Variants in ARHGEF7 observed in about 807,000 individuals in gnomAD.
The protein encoded by ARHGEF7 is Rho guanine nucleotide exchange factor 7, also known as PAK-interacting exchange factor beta.
ARHGEF7 carries 33 observed loss-of-function variants against 109.8 expected under a neutral mutation model. The ratio of observed to expected loss-of-function variants is 0.30; its 90% CI spans 0.23 to 0.40. The LOEUF is 0.40. Among genes scored for constraint, ARHGEF7 ranks in the 10% least tolerant of loss-of-function variants. ARHGEF7 has a pLI of 1.00. For missense variants in ARHGEF7, 938 were observed against 1,098.5 expected, an observed-to-expected ratio of 0.85 and a Z score of 2.07; for synonymous variants, 458 against 424.6, an observed-to-expected ratio of 1.08 and a Z score of -0.97.
At chr13:111,195,494 A>AC (rs1249674016) in intron 2 of ARHGEF7, among the ~76,000 whole-genome samples, 1 of 152,174 alleles carries the variant, frequency 6.6e-6, no homozygotes, top group South Asian at 2.1e-4. Context: ...CCAGGACTGG[A>AC]GATTAACACT....
chr13:111,275,775 T>C, intron 12 of ARHGEF7, 97 bp downstream of exon 12: 1 of 1,440,038 alleles, frequency 6.9e-7, no homozygotes, highest in South Asian at 1.2e-5. Flanking sequence ...GAAAAATGTC[T>C]AATAGAAGCT....
intron 1 of ARHGEF7, among the ~76,000 whole-genome samples, chr13:111,133,029 GATATACACATGC>G: frequency 6.6e-6 from 1 of 151,900 alleles, no homozygotes; most frequent in Admixed American, 6.5e-5. Context: ...CACATGCACA[GATATACACATGC>G]ATATACACAT....
At chr13:111,267,491 G>C in intron 8 of ARHGEF7, 57 bp from the exon 9 acceptor site, 1 of 1,604,688 alleles carries the variant, frequency 6.2e-7, no homozygotes, top group Non-Finnish European at 8.5e-7. Context: ...CTGTCAGTTA[G>C]CAGTTGTCCT....
At chr13:111,177,293 G>T (rs2078263085) in intron 2 of ARHGEF7, among the ~76,000 whole-genome samples, 1 of 152,240 alleles carries the variant, frequency 6.6e-6, no homozygotes, top group African/African-American at 2.4e-5. Flanking sequence ...GTGCCTGCGT[G>T]CATATTGAAG....
intron 21 of ARHGEF7, among the ~76,000 whole-genome samples, chr13:111,302,536 G>C (rs1054707648): frequency 6.6e-6 from 1 of 152,196 alleles, no homozygotes; most frequent in East Asian, 1.9e-4. Flanking sequence ...GCATCTGTTT[G>C]TGCATGCCTC....
chr13:111,162,012 G>T (rs1280193311), intron 2 of ARHGEF7, among the ~76,000 whole-genome samples: 2 of 152,166 alleles, frequency 1.3e-5, no homozygotes, highest in African/African-American at 4.8e-5. Flanking sequence ...CTTAATCCTT[G>T]ATTTTCTTTG....
At chr13:111,149,395 A>G (rs144500231) in intron 1 of ARHGEF7, among the ~76,000 whole-genome samples, 2 of 152,348 alleles carry the variant, frequency 1.3e-5, no homozygotes, top group African/African-American at 4.8e-5. Flanking sequence ...GAAAAAAATC[A>G]TAGCAATTAG....
chr13:111,173,901 GTGT>G (rs1324665661), intron 2 of ARHGEF7, among the ~76,000 whole-genome samples: 1 of 152,172 alleles, frequency 6.6e-6, no homozygotes, highest in African/African-American at 2.4e-5. Context: ...GCTTGTGGTG[GTGT>G]TTGCATTGCA....
chr13:111,126,134 G>T (rs2067541368), intron 1 of ARHGEF7, among the ~76,000 whole-genome samples: 1 of 152,178 alleles, frequency 6.6e-6, no homozygotes, highest in East Asian at 1.9e-4. Context: ...GATGTCTTCT[G>T]GTGGAAACAC....
intron 6 of ARHGEF7, among the ~76,000 whole-genome samples, chr13:111,236,952 C>G (rs568535480): frequency 3.9e-4 from 60 of 152,278 alleles, no homozygotes; most frequent in African/African-American, 9.6e-4. Context: ...AGCTACAGAA[C>G]AAGATTGTGT....
chr13:111,261,784 A>G (rs1207730897), intron 8 of ARHGEF7, among the ~76,000 whole-genome samples: 3 of 152,226 alleles, frequency 2.0e-5, no homozygotes, highest in Non-Finnish European at 2.9e-5. Flanking sequence ...TCTGACCACA[A>G]TGGAATAAAA....
In ARHGEF7 at chr13:111,280,276, A is replaced by G. The variant is rs1402530344; in HGVS notation, c.1511A>G (p.Lys504Arg). The G allele has an allele frequency of 6.2e-7, 1 of 1,610,012 alleles. No individual in the cohort carries two copies. Among genetic ancestry groups the G allele is most frequent in the East Asian group, 2.2e-5 (1 of 44,828 alleles). ...PRMSGFIYQG[K>R]LPTTGMTITK... ...GTGGGGGGGGGTCTTTTTTAGGGAAAGCTTCCAACGACAGGAATGACAATC... is the reference window on the plus strand; with the variant it reads ...GTGGGGGGGGGTCTTTTTTAGGGAAGGCTTCCAACGACAGGAATGACAATC... Residue 504 changes from lysine to arginine, a missense_variant, in exon 14 of 22, where the codon AAG becomes AGG. Coordinates refer to ENST00000646102, the MANE Select transcript of ARHGEF7 (RefSeq NM_001354046.2).
intron 1 of ARHGEF7, among the ~76,000 whole-genome samples, chr13:111,150,573 C>T (rs1273499791): frequency 3.3e-5 from 5 of 152,172 alleles, no homozygotes; most frequent in African/African-American, 7.2e-5. Context: ...CAGAGTCTGG[C>T]CAAATGTTTT....
chr13:111,280,003 C>T (rs1477902127), intron 13 of ARHGEF7, among the ~76,000 whole-genome samples: 1 of 152,196 alleles, frequency 6.6e-6, no homozygotes, highest in Non-Finnish European at 1.5e-5. Flanking sequence ...TGTTTAGTAG[C>T]AGCTCATCAG....
At chr13:111,232,390 A>G (rs1290177229) in intron 5 of ARHGEF7, among the ~76,000 whole-genome samples, 2 of 152,118 alleles carry the variant, frequency 1.3e-5, no homozygotes, top group African/African-American at 2.4e-5. Context: ...CCAGCGATGG[A>G]CACACCCACA....
intron 2 of ARHGEF7, among the ~76,000 whole-genome samples, chr13:111,157,503 A>T (rs2076429958): frequency 6.6e-6 from 1 of 152,002 alleles, no homozygotes. Context: ...AACATGGTGA[A>T]ACCCCATCTC....
Position 111,224,570 on chromosome 13 carries a change from T to G in ARHGEF7, c.670+6690T>G, listed in dbSNP as rs181278587. On this transcript the variant is annotated intron_variant, in intron 5 of 21. Transcript: ENST00000646102. Reference sequence around the variant, plus strand: ...TGGTTAGCTTGAGATGATGACTGTCTGTGTTTGGCAGTGATGTGAGAGCTT... The same window carrying G: ...TGGTTAGCTTGAGATGATGACTGTCGGTGTTTGGCAGTGATGTGAGAGCTT... Among the ~76,000 whole-genome samples, 64 of 152,372 alleles carry G rather than the reference T, an allele frequency of 4.2e-4. No individual in the cohort carries two copies. In the East Asian group the frequency reaches 0.012, roughly 28 times the overall value.
chr13:111,150,221 T>G (rs1158539759), intron 1 of ARHGEF7, among the ~76,000 whole-genome samples: 7 of 152,216 alleles, frequency 4.6e-5, no homozygotes, highest in Admixed American at 2.6e-4. Context: ...GGAAGTGAGG[T>G]GCTTAAATGT....
rs1196209912 is a variant in ARHGEF7 at position 111,239,717 on chromosome 13, G to C, written c.760-4155G>C. Among the ~76,000 whole-genome samples the C allele has an allele frequency of 6.6e-6, 1 of 152,058 alleles. No homozygotes were observed. The highest frequency in any genetic ancestry group is 1.5e-5 in the Non-Finnish European group (1 of 68,008). ...GGGATCCCCTCTTTTCCTGGGCGGC[G>C]AGGTGCCTGCTGGCTTCTTTCACAC... is the stretch of plus-strand genomic sequence containing the variant. On this transcript the variant is annotated intron_variant, in intron 6 of 21. Coordinates refer to ENST00000646102, the MANE Select transcript of ARHGEF7 (RefSeq NM_001354046.2). This position sits in a 1 kb window ranked among gnomAD's most constrained non-coding sequence, Gnocchi z 4.3.
Sources: allele counts gnomAD v4.1 joint callset (sites outside exome capture counted in the v4.1 genomes callset), GRCh38; gene constraint gnomAD v4.1.1; non-coding constraint Gnocchi (gnomAD v3.1); transcripts MANE v1.5; gene names NCBI Gene and HGNC (gene_info 2026-07-23, HGNC 2026-07-21).